Variants in ADGB observed in about 807,000 individuals in gnomAD.
ADGB encodes the protein calpain-7-like protein.
In ADGB, 172 loss-of-function variants were observed where a neutral mutation model predicts 210.5. That is an observed-to-expected ratio of 0.82 (90% confidence interval 0.72 to 0.93). The LOEUF is 0.93. Among genes scored for constraint, ADGB ranks in the 40% least tolerant of loss-of-function variants. The pLI is 0.00. For missense variants in ADGB, 2,025 were observed against 1,964.8 expected (o/e 1.03, Z -0.58); for synonymous variants, 658 against 662.7 (o/e 0.99, Z 0.11).
chr6:146,782,476 A>G (rs1777815823), intron 30 of ADGB, among the ~76,000 whole-genome samples: 1 of 152,210 alleles, frequency 6.6e-6, no homozygotes, highest in African/African-American at 2.4e-5. Context: ...AAGAATTCAC[A>G]GTCTAATAAT....
chr6:146,736,772 T>C (rs951005265), intron 23 of ADGB, among the ~76,000 whole-genome samples, 181 bp downstream of exon 23: 2 of 152,210 alleles, frequency 1.3e-5, no homozygotes, highest in African/African-American at 4.8e-5. Context: ...TTTTTGTTTA[T>C]GTTTTAATTG....
intron 32 of ADGB, among the ~76,000 whole-genome samples, 189 bp from the exon 33 acceptor site, chr6:146,788,200 G>C (rs1310407018): frequency 1.3e-5 from 2 of 152,136 alleles, no homozygotes; most frequent in African/African-American, 2.4e-5. Flanking sequence ...GCAGCTTTCA[G>C]ACACACTTCC....
intron 29 of ADGB, among the ~76,000 whole-genome samples, chr6:146,769,856 C>T (rs1263716529): frequency 2.6e-5 from 4 of 152,192 alleles, no homozygotes; most frequent in African/African-American, 7.2e-5. Context: ...GTCCCATTAA[C>T]CTGAGTTCAA....
intron 20 of ADGB, among the ~76,000 whole-genome samples, chr6:146,730,149 A>C (rs923239711): frequency 2.0e-5 from 3 of 152,176 alleles, no homozygotes; most frequent in Non-Finnish European, 4.4e-5. Flanking sequence ...ATAATTACTT[A>C]TAAAATTACT....
chr6:146,616,931 T>C (rs1449553364), intron 1 of ADGB, among the ~76,000 whole-genome samples: 2 of 152,116 alleles, frequency 1.3e-5, no homozygotes, highest in Non-Finnish European at 2.9e-5. Flanking sequence ...TATTCTGTGT[T>C]GTTTGGGGCT....
At chr6:146,610,628 C>G (rs1230544742) in intron 1 of ADGB, among the ~76,000 whole-genome samples, 1 of 152,170 alleles carries the variant, frequency 6.6e-6, no homozygotes, top group East Asian at 1.9e-4. Context: ...GCTCAGCACT[C>G]CTGAGCTGTA....
At chr6:146,725,573 A>AG (rs1443384575) in intron 18 of ADGB, 1 of 152,276 alleles carries the variant, frequency 6.6e-6, no homozygotes, top group African/African-American at 2.4e-5. Flanking sequence ...CTTTTGTGAA[A>AG]CCAGTCCTTG....
At chr6:146,750,451 T>C (rs1777303025) in intron 26 of ADGB, among the ~76,000 whole-genome samples, 1 of 151,956 alleles carries the variant, frequency 6.6e-6, no homozygotes, top group African/African-American at 2.4e-5. Flanking sequence ...CCAGCTATAT[T>C]GGAGTCTGAC....
At chr6:146,686,365 A>T (rs1400109356) in intron 10 of ADGB, among the ~76,000 whole-genome samples, 1 of 152,122 alleles carries the variant, frequency 6.6e-6, no homozygotes, top group African/African-American at 2.4e-5. Flanking sequence ...AGGAAATACA[A>T]TTAAAATATT....
intron 1 of ADGB, among the ~76,000 whole-genome samples, chr6:146,617,733 A>G (rs932549595): frequency 1.4e-4 from 22 of 152,012 alleles, no homozygotes; most frequent in African/African-American, 5.3e-4. Context: ...CATTGATGCT[A>G]TGCGTCTCTT....
At chr6:146,668,940 A>T (rs191080172) in intron 7 of ADGB, among the ~76,000 whole-genome samples, 2 of 152,102 alleles carry the variant, frequency 1.3e-5, no homozygotes, top group East Asian at 3.9e-4. Context: ...TGAACATAGC[A>T]CTCTGCCACC....
chr6:146,708,275 G>A lies in ADGB; in HGVS notation c.1708-7107G>A, dbSNP rs9390415. On this transcript the variant is annotated intron_variant, in intron 13 of 35. Coordinates refer to ENST00000397944, the MANE Select transcript of ADGB (RefSeq NM_024694.4). ...TAAACATCACCATTACAGTATTAGA[G>A]TATTCTGAATTTGACTATGTACTTA... is the stretch of plus-strand genomic sequence containing the variant. Among the ~76,000 whole-genome samples, 672 of 152,016 alleles carry A rather than the reference G, an allele frequency of 4.4e-3. 4 individuals carry two copies. Among genetic ancestry groups the A allele is most frequent in the African/African-American group, 0.015 (640 of 41,500 alleles).
At chr6:146,783,243 A>C (rs1349841101) in intron 30 of ADGB, among the ~76,000 whole-genome samples, 1 of 152,120 alleles carries the variant, frequency 6.6e-6, no homozygotes, top group Non-Finnish European at 1.5e-5. Flanking sequence ...TTCCAGCAGG[A>C]ATAGCTGAGT....
Position 146,802,220 on chromosome 6 carries a change from G to A in ADGB, c.4818+209G>A, listed in dbSNP as rs114635580. 4.7e-3 allele frequency: 1,362 copies of A among 292,030 alleles called. 13 individuals carry two copies. Among genetic ancestry groups the A allele is most frequent in the African/African-American group, 0.027 (1,236 of 45,804 alleles). The allele number at this position is 292,030 out of a possible 1,614,324, so 18.1% of individuals were successfully genotyped here. ...TAAAATCCCCCTAAAATGCAGTATTGGGAATCTATCCTCAAAGATGGGAAG... is the reference window on the plus strand; with the variant it reads ...TAAAATCCCCCTAAAATGCAGTATTAGGAATCTATCCTCAAAGATGGGAAG... On this transcript the variant is annotated intron_variant, in intron 35 of 35. Transcript: ENST00000397944.
chr6:146,613,404 G>A (rs570350565), intron 1 of ADGB, among the ~76,000 whole-genome samples: 8 of 152,104 alleles, frequency 5.3e-5, no homozygotes, highest in Non-Finnish European at 7.4e-5. Context: ...TTCTGATTCC[G>A]TGAGGGTATT....
At chr6:146,643,954 A>G (rs1775559324) in intron 2 of ADGB, among the ~76,000 whole-genome samples, 1 of 151,942 alleles carries the variant, frequency 6.6e-6, no homozygotes, top group Non-Finnish European at 1.5e-5. Context: ...TCATCTATGT[A>G]ACATTACTGA....
At chr6:146,629,832 A>G (rs1192772237) in intron 1 of ADGB, among the ~76,000 whole-genome samples, 1 of 152,196 alleles carries the variant, frequency 6.6e-6, no homozygotes, top group Admixed American at 6.6e-5. Flanking sequence ...ACATTCTTAC[A>G]TGCTACTTAG....
Position 146,666,903 on chromosome 6 carries a change from G to A in ADGB, c.839+1G>A. 1.3e-6 allele frequency: 2 copies of A among 1,538,674 alleles called. No individual in the cohort carries two copies. Among genetic ancestry groups the A allele is most frequent in the Non-Finnish European group, 8.8e-7 (1 of 1,136,938 alleles). On this transcript the variant is annotated splice_donor_variant, in intron 7 of 35. Transcript: ENST00000397944. LOFTEE classifies it high-confidence loss of function. Reference sequence around the variant, plus strand: ...GGTTACCAGAAGTCATTTCTCTTCAGTATGTTTGACTATTAAATTGCTCAT... The same window carrying A: ...GGTTACCAGAAGTCATTTCTCTTCAATATGTTTGACTATTAAATTGCTCAT...
chr6:146,614,550 A>G (rs1241844844), intron 1 of ADGB, among the ~76,000 whole-genome samples: 3 of 152,180 alleles, frequency 2.0e-5, no homozygotes, highest in Non-Finnish European at 4.4e-5. Context: ...TCTTGTAATC[A>G]TAATTATTTA....
Sources: gnomAD v4.1 joint callset for allele counts (sites outside exome capture counted in the v4.1 genomes callset) on GRCh38, gnomAD v4.1.1 for gene constraint, MANE v1.5 for transcripts, NCBI Gene and HGNC (gene_info 2026-07-23, HGNC 2026-07-21) for gene names.